Variants in WBP11 observed in about 807,000 individuals in gnomAD.
WBP11 encodes WW domain binding protein 11, also known as WW domain-binding protein 11.
WBP11 carries 12 observed loss-of-function variants against 66.7 expected under a neutral mutation model. The observed-to-expected ratio is 0.18, with a 90% CI of 0.12 to 0.29. WBP11 has a LOEUF of 0.29. WBP11 is among the 10% of genes least tolerant of loss of function. The probability of loss-of-function intolerance (pLI) is 1.00; values close to 1 mark genes in which losing one functional copy is unlikely to be tolerated. For synonymous variants in WBP11, 255 were observed against 273.8 expected, an observed-to-expected ratio of 0.93 and a Z score of 0.68; for missense variants, 555 against 818.3, an observed-to-expected ratio of 0.68 and a Z score of 3.93.
chr12:14,800,833 T>C (rs1204519592), intron 2 of WBP11, 50 bp from the exon 3 acceptor site: 11 of 1,470,760 alleles, frequency 7.5e-6, no homozygotes, highest in Non-Finnish European at 9.4e-6. Flanking sequence ...TCTTGAACAT[T>C]AGCATTTCCT....
chr12:14,794,484 G>C, intron 7 of WBP11, 53 bp downstream of exon 7: 1 of 1,592,882 alleles, frequency 6.3e-7, no homozygotes, highest in South Asian at 1.1e-5. Flanking sequence ...ATGTTAAACA[G>C]GGCCAACATA....
In WBP11 at chr12:14,800,073, T is replaced by C. The variant is rs79350825; in HGVS notation, c.97-345A>G. 2.8e-3 allele frequency among the ~76,000 whole-genome samples: 426 copies of C among 152,226 alleles called. 3 individuals are homozygous for C. The highest frequency in any genetic ancestry group is 0.019 in the East Asian group (97 of 5,188). On this transcript the variant is annotated intron_variant, in intron 3 of 11. Transcript: ENST00000261167. Reference sequence around the variant, plus strand: ...CCCCCTGTTGTAAAACCTCTGCTAGTTGAAGTCCAAAGCAAAGGTTGAAGC... The same window carrying C: ...CCCCCTGTTGTAAAACCTCTGCTAGCTGAAGTCCAAAGCAAAGGTTGAAGC...
Position 14,788,982 on chromosome 12 carries a change from G to C in WBP11, c.1461C>G (p.Pro487=). The C allele has an allele frequency of 6.8e-7, 1 of 1,470,854 alleles. No individual in the cohort carries two copies. The highest frequency in any genetic ancestry group is 8.9e-7 in the Non-Finnish European group (1 of 1,118,508). The allele number at this position is 1,470,854 out of a possible 1,614,324, so 91.1% of individuals were successfully genotyped here. A position where few individuals can be genotyped will look rare whatever the true frequency, so the allele number is the denominator to read the frequency against. ...GTGCAGGGGGAGGTAGCCTTGGTGG[G>C]GGTCCACGAGGAGGGGGACCAGGAG... ...GLPPGPPPRG[P]PPRLPPPAPP... The change falls in exon 11 of 12, where the codon CCC becomes CCG. Residue 487 remains proline (P), a synonymous_variant. Coordinates refer to ENST00000261167, the MANE Select transcript of WBP11 (RefSeq NM_016312.3).
chr12:14,795,250 G>C (rs937345545), intron 5 of WBP11, 146 bp from the exon 6 acceptor site: 1 of 850,406 alleles, frequency 1.2e-6, no homozygotes, highest in Non-Finnish European at 1.7e-6. Flanking sequence ...ATAACCTTAC[G>C]TCAATACTTC....
Position 14,786,737 on chromosome 12 carries a change from C to A in WBP11, c.*328G>T. The A allele has an allele frequency of 4.7e-6, 1 of 213,396 alleles. No homozygotes were observed. Among genetic ancestry groups the A allele is most frequent in the Non-Finnish European group, 9.4e-6 (1 of 106,444 alleles). The allele number at this position is 213,396 out of a possible 1,614,324, so 13.2% of individuals were successfully genotyped here. On this transcript the variant is annotated 3_prime_UTR_variant, in exon 12 of 12. Coordinates refer to ENST00000261167, the MANE Select transcript of WBP11 (RefSeq NM_016312.3). ...GAAATCTCTACTCCAGTGCCCACAG[C>A]ACACAAGAGTCAAAACAAATAAGCA...
intron 4 of WBP11, among the ~76,000 whole-genome samples, chr12:14,798,606 A>G (rs1246420567): frequency 6.6e-6 from 1 of 152,044 alleles, no homozygotes; most frequent in Non-Finnish European, 1.5e-5. Context: ...CTGACCCAGA[A>G]CTCTTAGCCA....
At chr12:14,800,825 T>C in intron 2 of WBP11, 42 bp from the exon 3 acceptor site, 1 of 1,524,024 alleles carries the variant, frequency 6.6e-7, no homozygotes, top group Non-Finnish European at 9.0e-7. Flanking sequence ...TCTTTGAATC[T>C]TGAACATTAG....
In WBP11 at chr12:14,790,631, G is replaced by C. The variant is rs1407932831; in HGVS notation, c.1134C>G (p.Ser378=). The change falls in exon 10 of 12, where the codon TCC becomes TCG. Residue 378 remains serine, a synonymous_variant. Coordinates refer to ENST00000261167, the MANE Select transcript of WBP11 (RefSeq NM_016312.3). ...AAGCAGTGGATGTGCCATCAGAATG[G>C]GATTCCTCTTTATGCTGCTTTTGTG... is the stretch of plus-strand genomic sequence containing the variant. ...KQSQKQHKEE[S]HSDGTSTASS... The C allele has an allele frequency of 1.9e-6, 3 of 1,613,944 alleles. No individual in the cohort carries two copies. The highest frequency in any genetic ancestry group is 2.2e-5 in the South Asian group (2 of 91,084).
chr12:14,788,716 A>C (rs1178168664), intron 11 of WBP11, among the ~76,000 whole-genome samples: 1 of 152,196 alleles, frequency 6.6e-6, no homozygotes, highest in Non-Finnish European at 1.5e-5. Context: ...AAAACCAAAA[A>C]ATTATCAAAT....
rs1199800177 is a variant in WBP11 at position 14,785,411 on chromosome 12, C to T, written c.*1654G>A. The T allele has an allele frequency of 6.6e-6, 1 of 152,078 alleles. No homozygotes were observed. Among genetic ancestry groups the T allele is most frequent in the East Asian group, 1.9e-4 (1 of 5,196 alleles). The allele number at this position is 152,078 out of a possible 1,614,324, so 9.4% of individuals were successfully genotyped here. A position where few individuals can be genotyped will look rare whatever the true frequency, so the allele number is the denominator to read the frequency against. On this transcript the variant is annotated 3_prime_UTR_variant, in exon 12 of 12. Transcript: ENST00000261167. ...AATATTGATACCATATGGTTTGATC[C>T]TTGATATCCGTAAGTTATCAAGGAT...
At chr12:14,793,638 TC>T in intron 8 of WBP11, 92 bp downstream of exon 8, 1 of 1,428,232 alleles carries the variant, frequency 7.0e-7, no homozygotes, top group Admixed American at 2.1e-5. Context: ...TCCAAAGATT[TC>T]AGAGTACTCT....
At chr12:14,792,702 G>A (rs576980986) in intron 8 of WBP11, among the ~76,000 whole-genome samples, 8 of 151,944 alleles carry the variant, frequency 5.3e-5, no homozygotes, top group Middle Eastern at 3.4e-3. Flanking sequence ...GTGTGGTGGC[G>A]GGTGCCTGTA....
intron 4 of WBP11, 129 bp from the exon 5 acceptor site, chr12:14,797,132 T>C: frequency 1.8e-6 from 1 of 556,370 alleles, no homozygotes; most frequent in Non-Finnish European, 2.8e-6. Flanking sequence ...AGACATACTC[T>C]TTTCAATTTT....
intron 10 of WBP11, 35 bp downstream of exon 10, chr12:14,790,421 C>T: frequency 6.2e-7 from 1 of 1,601,100 alleles, no homozygotes; most frequent in Non-Finnish European, 8.5e-7. Flanking sequence ...ATTCTAACCT[C>T]ATTTAAACTT....
rs189331086 is a variant in WBP11 at position 14,792,974 on chromosome 12, A to G, written c.913+757T>C. Among the ~76,000 whole-genome samples, 179 of 152,250 alleles carry G rather than the reference A, an allele frequency of 1.2e-3. 1 individual carries two copies. The highest frequency in any genetic ancestry group is 3.4e-3 in the Middle Eastern group (1 of 294). ...ACTTTCCAGTCCTAGTTCCTACCTA[A>G]TAGTCCTCTATAATTATCTTTCATT... On this transcript the variant is annotated intron_variant, in intron 8 of 11. Coordinates refer to ENST00000261167, the MANE Select transcript of WBP11 (RefSeq NM_016312.3).
intron 6 of WBP11, 45 bp downstream of exon 6, chr12:14,794,918 AGTCAACTT>A (rs1949873056): frequency 6.2e-7 from 1 of 1,611,890 alleles, no homozygotes; most frequent in Non-Finnish European, 8.5e-7. Flanking sequence ...GGCACTGGAC[AGTCAACTT>A]GTGCCTTTAC....
chr12:14,793,675 C>G, intron 8 of WBP11, 56 bp downstream of exon 8: 10 of 1,557,458 alleles, frequency 6.4e-6, no homozygotes, highest in Non-Finnish European at 8.7e-6. Context: ...AAATTAGGAC[C>G]TTCAGCTTGT....
Position 14,787,047 on chromosome 12 carries a change from T to C in WBP11, c.*18A>G. The C allele has an allele frequency of 6.2e-7, 1 of 1,603,268 alleles. No homozygotes were observed. Among genetic ancestry groups the C allele is most frequent in the South Asian group, 1.1e-5 (1 of 90,108 alleles). ...GGCCACTGTTGTGAACAGAAGCCTT[T>C]TCTGGCATCAAAAGCTGTCACAGTA... On this transcript the variant is annotated 3_prime_UTR_variant, in exon 12 of 12. Coordinates refer to ENST00000261167, the MANE Select transcript of WBP11 (RefSeq NM_016312.3).
intron 8 of WBP11, 94 bp from the exon 9 acceptor site, chr12:14,791,364 C>T (rs1017282827): frequency 8.5e-6 from 8 of 939,150 alleles, no homozygotes; most frequent in Admixed American, 4.5e-5. Flanking sequence ...GATATGATTG[C>T]TACCCACTAC....
Sources: allele counts gnomAD v4.1 joint callset (sites outside exome capture counted in the v4.1 genomes callset), GRCh38; gene constraint gnomAD v4.1.1; transcripts MANE v1.5; gene names NCBI Gene and HGNC (gene_info 2026-07-23, HGNC 2026-07-21).